Variants in SCP2 observed in about 807,000 individuals in gnomAD.
SCP2 encodes the protein SCP-2/3-oxoacyl-CoA thiolase.
Under a neutral mutation model 71.4 loss-of-function variants are expected in SCP2, and 48 were observed. The observed-to-expected ratio is 0.67, with a 90% CI of 0.53 to 0.86. The LOEUF (loss-of-function observed/expected upper bound fraction) is 0.86, where lower values mean the gene tolerates loss of function less well. Ranked by LOEUF, SCP2 falls within the 40% of genes least tolerant of loss-of-function variation. The probability of loss-of-function intolerance (pLI) is 0.00; values close to 1 mark genes in which losing one functional copy is unlikely to be tolerated. For synonymous variants in SCP2, 220 were observed against 218.1 expected (o/e 1.01, Z -0.08); for missense variants, 560 against 655.6 (o/e 0.85, Z 1.59).
intron 7 of SCP2, among the ~76,000 whole-genome samples, chr1:52,976,349 G>T (rs1412330534): frequency 6.6e-6 from 1 of 152,040 alleles, no homozygotes; most frequent in African/African-American, 2.4e-5. Flanking sequence ...TTGGTCTTTT[G>T]GTGGTCAGTC....
intron 9 of SCP2, among the ~76,000 whole-genome samples, chr1:52,978,619 G>A (rs1658195250): frequency 6.6e-6 from 1 of 152,170 alleles, no homozygotes; most frequent in Non-Finnish European, 1.5e-5. Flanking sequence ...CTGCAGTGCA[G>A]TAGTGCGATC....
chr1:52,999,786 A>G (rs1021262644), intron 11 of SCP2, among the ~76,000 whole-genome samples: 15 of 149,856 alleles, frequency 1.0e-4, no homozygotes, highest in Non-Finnish European at 1.8e-4. Context: ...GTGCTTTTAC[A>G]TATACTATCC....
intron 6 of SCP2, among the ~76,000 whole-genome samples, chr1:52,967,686 G>T (rs1266666573): frequency 9.9e-5 from 15 of 152,024 alleles, no homozygotes; most frequent in Admixed American, 9.8e-4. Context: ...GGGGTCAGGG[G>T]GCTCCTTGCT....
chr1:52,996,304 T>A (rs1659936947), intron 11 of SCP2, among the ~76,000 whole-genome samples: 1 of 152,152 alleles, frequency 6.6e-6, no homozygotes, highest in African/African-American at 2.4e-5. Context: ...TCCTCCTTTT[T>A]AAAATCTCCA....
chr1:52,949,599 T>TC (rs1372953857), intron 3 of SCP2, among the ~76,000 whole-genome samples: 1 of 152,124 alleles, frequency 6.6e-6, no homozygotes, highest in Non-Finnish European at 1.5e-5. Context: ...TCTGTATTTG[T>TC]CCTGATTGGC....
chr1:53,015,320 A>G (rs1462232659), intron 12 of SCP2, among the ~76,000 whole-genome samples: 1 of 152,104 alleles, frequency 6.6e-6, no homozygotes, highest in Non-Finnish European at 1.5e-5. Context: ...CTAGCAACCT[A>G]AGTTATTTAG....
intron 15 of SCP2, chr1:53,049,530 G>T (rs897819180): frequency 3.9e-5 from 6 of 152,194 alleles, no homozygotes; most frequent in Non-Finnish European, 8.8e-5. Flanking sequence ...ACTCTCTGAA[G>T]GGTGAAGATT....
At chr1:52,996,231 C>T (rs1461900037) in intron 11 of SCP2, among the ~76,000 whole-genome samples, 1 of 152,192 alleles carries the variant, frequency 6.6e-6, no homozygotes, top group Non-Finnish European at 1.5e-5. Context: ...TAGGTTTCTG[C>T]CACTCTGGGT....
chr1:52,935,436 A>G (rs1653633226), intron 1 of SCP2, among the ~76,000 whole-genome samples: 2 of 151,382 alleles, frequency 1.3e-5, no homozygotes, highest in Admixed American at 6.6e-5. Context: ...TTAAAAATAC[A>G]AAAATTAGCC....
At chr1:53,025,472 A>G (rs1662059215) in intron 12 of SCP2, among the ~76,000 whole-genome samples, 1 of 152,136 alleles carries the variant, frequency 6.6e-6, no homozygotes, top group Non-Finnish European at 1.5e-5. Context: ...AAAATAGTAT[A>G]CTTACTGTGC....
intron 6 of SCP2, among the ~76,000 whole-genome samples, chr1:52,964,518 AAGAT>A: frequency 6.6e-6 from 1 of 152,124 alleles, no homozygotes; most frequent in East Asian, 1.9e-4. Flanking sequence ...TCGATTTTAA[AAGAT>A]GATATGCTTC....
chr1:52,995,799 G>A, intron 11 of SCP2: 1 of 862,804 alleles, frequency 1.2e-6, no homozygotes, highest in Non-Finnish European at 2.0e-6. Flanking sequence ...TTAATCGGCA[G>A]CAGCACGGCC....
intron 15 of SCP2, chr1:53,049,950 G>A (rs1316002042): frequency 2.0e-5 from 3 of 152,238 alleles, no homozygotes; most frequent in Admixed American, 6.6e-5. Context: ...TCATGGCAGG[G>A]AAATTATGCT....
At chr1:52,942,948 G>C (rs2491085) in intron 2 of SCP2, among the ~76,000 whole-genome samples, 138,886 of 152,074 alleles carry the variant, frequency 0.91, 63,601 homozygotes, top group East Asian at 1. Context: ...GTGATCCACC[G>C]ACCTCGGCCT....
intron 3 of SCP2, among the ~76,000 whole-genome samples, chr1:52,950,366 C>T (rs780539181): frequency 4.6e-5 from 7 of 152,152 alleles, no homozygotes; most frequent in South Asian, 2.1e-4. Context: ...GTGATCTGCC[C>T]GCCTCGGCCT....
chr1:53,024,281 T>A (rs1178736781), intron 12 of SCP2, among the ~76,000 whole-genome samples: 2 of 152,100 alleles, frequency 1.3e-5, no homozygotes, highest in African/African-American at 4.8e-5. Context: ...GAAAGTAGAA[T>A]GGTGGTTGCC....
intron 11 of SCP2, among the ~76,000 whole-genome samples, chr1:52,998,474 T>C (rs1361605966): frequency 3.3e-5 from 5 of 152,158 alleles, no homozygotes; most frequent in African/African-American, 1.2e-4. Context: ...CATGCACCTG[T>C]AGTCTCAGCT....
At chr1:53,006,540 G>A (rs1172842737) in intron 11 of SCP2, among the ~76,000 whole-genome samples, 2 of 152,124 alleles carry the variant, frequency 1.3e-5, no homozygotes, top group Admixed American at 1.3e-4. Flanking sequence ...AGCTTCATAA[G>A]TGAAGGAGAA....
chr1:52,927,605 C>T (rs927949529), intron 1 of SCP2, 140 bp downstream of exon 1: 8 of 692,638 alleles, frequency 1.2e-5, no homozygotes, highest in Middle Eastern at 6.3e-4. Context: ...TTGTACTCTG[C>T]GGAATCTCTG....
Sources: allele counts gnomAD v4.1 joint callset (sites outside exome capture counted in the v4.1 genomes callset), GRCh38; gene constraint gnomAD v4.1.1; transcripts MANE v1.5; gene names NCBI Gene and HGNC (gene_info 2026-07-23, HGNC 2026-07-21).